The following GPR143 variants were observed in gnomAD, a reference collection of about 807,000 sequenced individuals.
The protein encoded by GPR143 is G protein-coupled receptor 143.
Under a neutral mutation model 27.6 loss-of-function variants are expected in GPR143, and 8 were observed. The observed-to-expected ratio is 0.29, with a 90% CI of 0.17 to 0.52. GPR143 has a LOEUF of 0.52. Ranked by LOEUF, GPR143 falls within the 20% of genes least tolerant of loss-of-function variation. GPR143 has a pLI of 0.96. For missense variants in GPR143, 303 were observed against 343.1 expected, an observed-to-expected ratio of 0.88 and a Z score of 0.92; for synonymous variants, 156 against 153.2, an observed-to-expected ratio of 1.02 and a Z score of -0.13.
chrX:9,773,367 A>G (rs1251592700), intron 1 of GPR143, among the ~76,000 whole-genome samples: 4 of 111,310 alleles, frequency 3.6e-5, no homozygotes, highest in Non-Finnish European at 5.6e-5. Flanking sequence ...GAATGTAATG[A>G]TTTTGAGACC....
chrX:9,769,120 T>C (rs933371382), upstream of GPR143, among the ~76,000 whole-genome samples: 9 of 112,173 alleles, frequency 8.0e-5, no homozygotes, highest in African/African-American at 2.3e-4. Context: ...ATATGAACTT[T>C]GAGGTATGTG....
At chrX:9,760,550 G>T (rs1362431392) in intron 2 of GPR143, among the ~76,000 whole-genome samples, 167 bp downstream of exon 2, 1 of 111,383 alleles carries the variant, frequency 9.0e-6, no homozygotes, top group Non-Finnish European at 1.9e-5. Flanking sequence ...TGTCTGGGCA[G>T]CATCCCCTGG....
intron 8 of GPR143, 163 bp from the exon 9 acceptor site, chrX:9,726,003 AAAG>A (rs1392190968): frequency 1.3e-5 from 9 of 706,411 alleles, no homozygotes; most frequent in East Asian, 1.6e-4. Context: ...AAAAAAAAAA[AAAG>A]GTGGGAGGGG....
At chrX:9,752,338 G>A (rs1205231202) in intron 3 of GPR143, among the ~76,000 whole-genome samples, 1 of 112,147 alleles carries the variant, frequency 8.9e-6, no homozygotes, top group Non-Finnish European at 1.9e-5. Context: ...AAAGTGCTAG[G>A]ATTACAGGCA....
intron 8 of GPR143, among the ~76,000 whole-genome samples, chrX:9,732,227 A>T (rs1459153319): frequency 2.7e-5 from 3 of 111,660 alleles, no homozygotes; most frequent in African/African-American, 9.8e-5. Flanking sequence ...AGGAATGACC[A>T]AAATTGTGGG....
upstream of GPR143, among the ~76,000 whole-genome samples, chrX:9,768,753 C>T (rs1030212333): frequency 9.1e-6 from 1 of 110,274 alleles, no homozygotes; most frequent in African/African-American, 3.3e-5. Flanking sequence ...TCTCAGCTCA[C>T]TGCAATCTCT....
intron 8 of GPR143, among the ~76,000 whole-genome samples, chrX:9,727,837 G>T (rs2083335092): frequency 8.9e-6 from 1 of 112,297 alleles, no homozygotes; most frequent in African/African-American, 3.2e-5. Context: ...CTTACTCTGT[G>T]TTCCTCTCAG....
intron 6 of GPR143, 62 bp from the exon 7 acceptor site, chrX:9,741,517 T>C: frequency 1.7e-6 from 1 of 585,723 alleles, no homozygotes; most frequent in East Asian, 3.4e-5. Context: ...TTTTAAATGC[T>C]GGAGAGTCAG....
chrX:9,744,991 C>T (rs5979169), intron 5 of GPR143, among the ~76,000 whole-genome samples: 6,461 of 111,694 alleles, frequency 0.058, 434 homozygotes, highest in African/African-American at 0.2. Context: ...GTGGCTCACG[C>T]CTGTAATCCC....
rs780522481 is a variant in GPR143, at chrX:9,725,758, A to C, written c.1203T>G (p.His401Gln). 4 of 1,200,628 alleles carry C rather than the reference A, an allele frequency of 3.3e-6. No homozygotes were observed. In the South Asian group the frequency reaches 7.1e-5, roughly 21 times the overall value. Residue 401 changes from histidine (H) to glutamine (Q), a missense_variant, in exon 9 of 9, where the codon CAT (histidine) becomes CAG (glutamine). Physicochemically the swap from His to Gln is conservative, Grantham distance 24. Transcript: ENST00000467482. ...CAGCACATCCCCTTCATAGGTCTCC[A>C]TGGGTTGGGAGAGCAGGGTCACCCT... is the stretch of plus-strand genomic sequence containing the variant. ...KNEGDPALPT[H>Q]GDL
chrX:9,728,889 T>C (rs1806652063), intron 8 of GPR143, among the ~76,000 whole-genome samples: 1 of 110,426 alleles, frequency 9.1e-6, no homozygotes, highest in South Asian at 3.8e-4. Flanking sequence ...ACACAAGCAC[T>C]GTGGGCTGTG....
At chrX:9,771,408 G>T (rs1416026995) in intron 1 of GPR143, among the ~76,000 whole-genome samples, 1 of 111,077 alleles carries the variant, frequency 9.0e-6, no homozygotes, top group East Asian at 2.8e-4. Flanking sequence ...GTGGCATCAG[G>T]CCTGAGAATG....
intron 1 of GPR143, among the ~76,000 whole-genome samples, chrX:9,764,223 C>A (rs2083516170): frequency 9.0e-6 from 1 of 110,873 alleles, no homozygotes; most frequent in African/African-American, 3.3e-5. Flanking sequence ...CCCAGGAGGT[C>A]GAGGCTGCAG....
intron 4 of GPR143, 35 bp downstream of exon 4, chrX:9,748,539 A>C (rs1275516645): frequency 2.2e-6 from 2 of 929,081 alleles, no homozygotes; most frequent in Admixed American, 4.4e-5. Flanking sequence ...TGAGCCAAGG[A>C]TGGGGCTGCC....
At chrX:9,768,914 G>A (rs2083544302), upstream of GPR143, among the ~76,000 whole-genome samples, 1 of 111,338 alleles carries the variant, frequency 9.0e-6, no homozygotes, top group Admixed American at 9.6e-5. Flanking sequence ...CTGGCCTCAA[G>A]TGATCCACCC....
At chrX:9,752,972 A>G (rs1816500955) in intron 3 of GPR143, among the ~76,000 whole-genome samples, 1 of 111,679 alleles carries the variant, frequency 9.0e-6, no homozygotes, top group African/African-American at 3.3e-5. Context: ...ACTGGGTCAC[A>G]GAAGCCTCTG....
At chrX:9,777,593 C>A (rs1279003499) in intron 1 of GPR143, among the ~76,000 whole-genome samples, 1 of 110,782 alleles carries the variant, frequency 9.0e-6, no homozygotes, top group African/African-American at 3.3e-5. Flanking sequence ...AATGCCATGT[C>A]TATTCCTTTT....
In GPR143 at chrX:9,743,548, T is replaced by C. The variant is rs2083414022; in HGVS notation, c.767+17A>G. ...CCCACTGGCAATAAAAATACACATA[T>C]ATAGAAGAAAGGTTACCAAATAATT... On this transcript the variant is annotated intron_variant, in intron 6 of 8. Coordinates refer to ENST00000467482, the MANE Select transcript of GPR143 (RefSeq NM_000273.3). 3.2e-6 allele frequency: 3 copies of C among 940,007 alleles called. No homozygotes were observed. The highest frequency in any genetic ancestry group is 3.1e-5 in the East Asian group (1 of 32,607). The allele number at this position is 940,007 out of a possible 1,213,427, so 77.5% of individuals were successfully genotyped here.
chrX:9,734,097 AG>A (rs1343509800), intron 8 of GPR143, among the ~76,000 whole-genome samples: 13 of 102,006 alleles, frequency 1.3e-4, no homozygotes, highest in African/African-American at 3.0e-4. Flanking sequence ...AAAAAAAAAA[AG>A]AAGAAGAATA....
Sources: gnomAD v4.1 joint callset for allele counts (sites outside exome capture counted in the v4.1 genomes callset) on GRCh38, gnomAD v4.1.1 for gene constraint, MANE v1.5 for transcripts, NCBI Gene and HGNC (gene_info 2026-07-23, HGNC 2026-07-21) for gene names.